Variants in HYAL4 observed in about 807,000 individuals in gnomAD.
HYAL4 encodes hyaluronidase-4.
Under a neutral mutation model 35.2 loss-of-function variants are expected in HYAL4, and 37 were observed. The ratio of observed to expected loss-of-function variants is 1.05; its 90% CI spans 0.81 to 1.38. The LOEUF is 1.38. Ranked by LOEUF, HYAL4 falls within the 40% of genes most tolerant of loss-of-function variation. The pLI, the probability that HYAL4 is intolerant of heterozygous loss-of-function variation, is 0.00. For missense variants in HYAL4, 572 were observed against 572.4 expected, an observed-to-expected ratio of 1.00 and a Z score of 0.01; for synonymous variants, 198 against 203.2, an observed-to-expected ratio of 0.97 and a Z score of 0.22.
chr7:123,795,042 A>C, the HYAL4 span, among the ~76,000 whole-genome samples: 1 of 152,222 alleles, frequency 6.6e-6, no homozygotes, highest in Admixed American at 6.5e-5. Context: ...TTGCATCAGC[A>C]TGCGCTGGAT....
the HYAL4 span, among the ~76,000 whole-genome samples, chr7:123,810,012 AATT>A: frequency 6.6e-6 from 1 of 152,210 alleles, no homozygotes; most frequent in Non-Finnish European, 1.5e-5. Context: ...AGGTTTATAA[AATT>A]AAATTCAAAG....
At chr7:123,871,861 G>T (rs1449600663) in intron 3 of HYAL4, among the ~76,000 whole-genome samples, 1 of 152,086 alleles carries the variant, frequency 6.6e-6, no homozygotes, top group Non-Finnish European at 1.5e-5. Context: ...ATTTAAGAGT[G>T]GTATCTCAGG....
the HYAL4 span, among the ~76,000 whole-genome samples, chr7:123,783,760 A>G: frequency 9.2e-5 from 14 of 152,224 alleles, no homozygotes; most frequent in Non-Finnish European, 1.8e-4. Flanking sequence ...TTTAAGGAGA[A>G]TGAAGAAACG....
At chr7:123,777,420 A>G in the HYAL4 span, among the ~76,000 whole-genome samples, 1 of 152,194 alleles carries the variant, frequency 6.6e-6, no homozygotes, top group Non-Finnish European at 1.5e-5. Context: ...CTTCATTTTA[A>G]TGTGGCTAAT....
the HYAL4 span, among the ~76,000 whole-genome samples, chr7:123,801,854 G>T: frequency 6.6e-6 from 1 of 152,128 alleles, no homozygotes; most frequent in African/African-American, 2.4e-5. Context: ...ATCACACGAG[G>T]GCAACAGGTG....
At chr7:123,794,222 C>A in the HYAL4 span, among the ~76,000 whole-genome samples, 1 of 152,074 alleles carries the variant, frequency 6.6e-6, no homozygotes, top group Admixed American at 6.6e-5. Flanking sequence ...GTGGAAGAAC[C>A]ATCTAAGTGG....
chr7:123,875,483 C>T (rs998031137), intron 4 of HYAL4, among the ~76,000 whole-genome samples: 1 of 151,770 alleles, frequency 6.6e-6, no homozygotes, highest in Non-Finnish European at 1.5e-5. Flanking sequence ...ATGAAGAAAG[C>T]CAGTCTCTAC....
At chr7:123,808,338 A>G in the HYAL4 span, among the ~76,000 whole-genome samples, 1 of 152,090 alleles carries the variant, frequency 6.6e-6, no homozygotes, top group East Asian at 1.9e-4. Flanking sequence ...CCTTGAGTGG[A>G]AAGAATGAAA....
chr7:123,869,027 T>C lies in HYAL4; in HGVS notation c.754T>C (p.Trp252Arg). ...GAGGAACAATGAGCTCTCTTGGCTC[T>C]GGAACAGCAGTGCTGCTTTATATCC... ...VLRNNELSWL[W>R]NSSAALYPSI... is the part of the protein sequence containing the mutation. The change falls in exon 3 of 5, where the codon TGG (tryptophan) becomes CGG (arginine). Residue 252 changes from tryptophan to arginine, a missense_variant. Physicochemically the swap from Trp to Arg is moderately radical, Grantham distance 101 (BLOSUM62 -3). Transcript: ENST00000223026. The C allele has an allele frequency of 6.2e-7, 1 of 1,614,204 alleles. No homozygotes were observed. The highest frequency in any genetic ancestry group is 8.5e-7 in the Non-Finnish European group (1 of 1,180,016).
chr7:123,865,848 A>G (rs1275201175), intron 2 of HYAL4, among the ~76,000 whole-genome samples: 1 of 152,196 alleles, frequency 6.6e-6, no homozygotes, highest in Non-Finnish European at 1.5e-5. Flanking sequence ...AAAGAAAAAG[A>G]GAGTTAATGG....
chr7:123,769,610 G>C, the HYAL4 span, among the ~76,000 whole-genome samples: 6 of 152,076 alleles, frequency 3.9e-5, no homozygotes, highest in Non-Finnish European at 8.8e-5. Context: ...GCAGCTGATG[G>C]CTTCTGCCAA....
chr7:123,831,222 T>G (rs1025203181), intron 1 of HYAL4, among the ~76,000 whole-genome samples: 1 of 152,208 alleles, frequency 6.6e-6, no homozygotes, highest in African/African-American at 2.4e-5. Flanking sequence ...TGGGTTGTTA[T>G]AAAGCCAGGC....
chr7:123,780,572 A>G, the HYAL4 span, among the ~76,000 whole-genome samples: 1 of 152,232 alleles, frequency 6.6e-6, no homozygotes, highest in African/African-American at 2.4e-5. Context: ...CTGCACAGCC[A>G]AATACAAAAT....
the HYAL4 span, among the ~76,000 whole-genome samples, chr7:123,785,943 GAAAACAAAACAAAACAAAAC>G: frequency 1.3e-5 from 2 of 150,864 alleles, no homozygotes; most frequent in African/African-American, 4.9e-5. The surrounding 1 kb of genome is among the most constrained non-coding windows in gnomAD (Gnocchi z 4.5). Flanking sequence ...GTAGAAACAA[GAAAACAAAACAAAACAAAAC>G]AAAACAAAAC....
chr7:123,831,081 C>A (rs1235502465), intron 1 of HYAL4, among the ~76,000 whole-genome samples: 1 of 152,112 alleles, frequency 6.6e-6, no homozygotes, highest in African/African-American at 2.4e-5. Flanking sequence ...GGAGGTGAGA[C>A]CTAATGGGAG....
chr7:123,835,926 GT>G (rs1288081124), intron 1 of HYAL4, among the ~76,000 whole-genome samples: 1 of 152,002 alleles, frequency 6.6e-6, no homozygotes, highest in African/African-American at 2.4e-5. Flanking sequence ...TTATTCCACT[GT>G]GCTCTGAGAC....
At chr7:123,768,854 A>G in the HYAL4 span, among the ~76,000 whole-genome samples, 153 of 152,266 alleles carry the variant, frequency 1.0e-3, no homozygotes, top group Admixed American at 1.8e-3. Flanking sequence ...TTTTTTTGCT[A>G]TGATTCCAGG....
chr7:123,832,522 C>T (rs1805901624), intron 1 of HYAL4, among the ~76,000 whole-genome samples: 1 of 66,444 alleles, frequency 1.5e-5, no homozygotes, highest in Admixed American at 2.4e-4. Context: ...TTTTTTGAGA[C>T]AGAGTCTCGC....
chr7:123,869,665 G>A (rs894313588), intron 3 of HYAL4, among the ~76,000 whole-genome samples: 7 of 151,154 alleles, frequency 4.6e-5, no homozygotes, highest in Non-Finnish European at 7.4e-5. Context: ...GGAAAGTAGT[G>A]GGTATTTTAA....
Sources: gnomAD v4.1 joint callset for allele counts (sites outside exome capture counted in the v4.1 genomes callset) on GRCh38, gnomAD v4.1.1 for gene constraint, Gnocchi (gnomAD v3.1) non-coding constraint, MANE v1.5 for transcripts, NCBI Gene and HGNC (gene_info 2026-07-23, HGNC 2026-07-21) for gene names.